Variants in SDCBP observed in about 807,000 individuals in gnomAD.
The protein encoded by SDCBP is syntenin-1.
A neutral mutation model predicts 30.5 loss-of-function variants in SDCBP; 22 were observed. That is an observed-to-expected ratio of 0.72 (90% confidence interval 0.52 to 1.03). The LOEUF is 1.03. SDCBP is among the 50% of genes least tolerant of loss of function. The pLI, the probability that SDCBP is intolerant of heterozygous loss-of-function variation, is 0.00. For synonymous variants in SDCBP, 103 were observed against 118.7 expected, an observed-to-expected ratio of 0.87 and a Z score of 0.86; for missense variants, 304 against 369.9, an observed-to-expected ratio of 0.82 and a Z score of 1.46.
chr8:58,577,129 C>A (rs927862272), intron 5 of SDCBP, among the ~76,000 whole-genome samples: 3 of 152,240 alleles, frequency 2.0e-5, no homozygotes, highest in Non-Finnish European at 4.4e-5. Context: ...GGCCCCTTGG[C>A]CCCACTGTAG....
chr8:58,580,644 C>G, intron 8 of SDCBP, 36 bp downstream of exon 8: 1 of 1,062,946 alleles, frequency 9.4e-7, no homozygotes, highest in South Asian at 1.3e-5. Flanking sequence ...TGCATATGGT[C>G]ATGTGACTTA....
Position 58,572,308 on chromosome 8 carries a change from TC to T in SDCBP, c.235del (p.Gln79ArgfsTer5). 1 of 1,584,218 alleles carries T rather than the reference TC, an allele frequency of 6.3e-7. No individual in the cohort carries two copies. Among genetic ancestry groups the T allele is most frequent in the Non-Finnish European group, 8.7e-7 (1 of 1,153,420 alleles). ...NVAVVSGAPLQGQLVARPSSI... is the reference protein window; with the variant it reads ...NVAVVSGAPLXGQLVARPSSI... ...TGGCCGTGGTTTCTGGTGCACCACTTCAGGGGGTATGTATAGTGTAATTAAT... is the reference window on the plus strand; with the variant it reads ...TGGCCGTGGTTTCTGGTGCACCACTTAGGGGGTATGTATAGTGTAATTAAT... On this transcript the variant is annotated frameshift_variant, in exon 4 of 9. Coordinates refer to ENST00000260130, the MANE Select transcript of SDCBP (RefSeq NM_005625.4). LOFTEE classifies it high-confidence loss of function.
chr8:58,567,819 T>C (rs1388829583), intron 2 of SDCBP, among the ~76,000 whole-genome samples: 2 of 152,156 alleles, frequency 1.3e-5, no homozygotes, highest in Non-Finnish European at 2.9e-5. Flanking sequence ...TACTGAATAC[T>C]GTAGGCAATT....
At chr8:58,558,738 A>G (rs1181519413) in intron 1 of SDCBP, among the ~76,000 whole-genome samples, 1 of 152,208 alleles carries the variant, frequency 6.6e-6, no homozygotes, top group Non-Finnish European at 1.5e-5. Flanking sequence ...GAAGCCTTCA[A>G]AGTCACCCTC....
intron 6 of SDCBP, among the ~76,000 whole-genome samples, chr8:58,578,599 A>G (rs1805482794): frequency 6.6e-6 from 1 of 152,172 alleles, no homozygotes; most frequent in African/African-American, 2.4e-5. Flanking sequence ...AGTTCTGAAA[A>G]CCGTATCAAG....
At chr8:58,561,623 A>T in intron 1 of SDCBP, 1 of 488,366 alleles carries the variant, frequency 2.0e-6, no homozygotes, top group Non-Finnish European at 3.6e-6. Context: ...TTTTCTTTAA[A>T]AGTAAAAGAG....
chr8:58,576,133 T>A, intron 5 of SDCBP, 72 bp downstream of exon 5: 3 of 1,140,220 alleles, frequency 2.6e-6, no homozygotes, highest in Non-Finnish European at 3.8e-6. Flanking sequence ...TTAAAATAAT[T>A]TGAAATGGAA....
At chr8:58,577,066 G>A (rs1805379492) in intron 5 of SDCBP, among the ~76,000 whole-genome samples, 1 of 152,234 alleles carries the variant, frequency 6.6e-6, no homozygotes, top group African/African-American at 2.4e-5. Context: ...CCTTCCGCCA[G>A]GATTGCTCTT....
intron 1 of SDCBP, among the ~76,000 whole-genome samples, chr8:58,559,125 G>C (rs190861462): frequency 2.6e-5 from 4 of 152,118 alleles, no homozygotes; most frequent in East Asian, 1.9e-4. Context: ...TGAGTTGCTG[G>C]TGTGTGAATT....
At chr8:58,572,756 C>T (rs1805096707) in intron 4 of SDCBP, among the ~76,000 whole-genome samples, 1 of 148,592 alleles carries the variant, frequency 6.7e-6, no homozygotes, top group Non-Finnish European at 1.5e-5. Context: ...GTTAATCATT[C>T]TGAAATACAC....
rs1804633748 is a variant in SDCBP at position 58,565,093 on chromosome 8, G to A, written c.51+9G>A. The stretch of plus-strand genomic sequence containing the variant: ...TAGACAAAGTAATTCAGGTATGATA[G>A]TTTAAATACTTTTGTCAAAACAAAC... On this transcript the variant is annotated intron_variant, in intron 2 of 8. Coordinates refer to ENST00000260130, the MANE Select transcript of SDCBP (RefSeq NM_005625.4). The A allele has an allele frequency of 1.3e-6, 2 of 1,494,362 alleles. No homozygotes were observed. Among genetic ancestry groups the A allele is most frequent in the African/African-American group, 1.4e-5 (1 of 71,288 alleles). 92.6% of individuals were successfully genotyped at this position (1,494,362 alleles called of 1,614,324 possible).
intron 4 of SDCBP, among the ~76,000 whole-genome samples, chr8:58,574,358 A>T (rs984608813): frequency 1.3e-5 from 2 of 152,256 alleles, no homozygotes; most frequent in Non-Finnish European, 2.9e-5. Flanking sequence ...TGCTGTATTT[A>T]CAGAAAATAT....
At chr8:58,557,313 T>A (rs1374928670) in intron 1 of SDCBP, among the ~76,000 whole-genome samples, 1 of 134,928 alleles carries the variant, frequency 7.4e-6, no homozygotes, top group Non-Finnish European at 1.5e-5. Context: ...TTTAATTATA[T>A]ATAAATATAA....
rs868606654 is a variant in SDCBP at position 58,564,872 on chromosome 8, T to C, written c.-15-147T>C. 4.2e-5 allele frequency: 20 copies of C among 477,730 alleles called. No homozygotes were observed. In the South Asian group the frequency reaches 6.4e-4, roughly 15 times the overall value. The allele number at this position is 477,730 out of a possible 1,614,324, so 29.6% of individuals were successfully genotyped here. A position where few individuals can be genotyped will look rare whatever the true frequency, so the allele number is the denominator to read the frequency against. Reference sequence around the variant, plus strand: ...ATCAGCTAACTTTTAGTATGGCCTATATATTCTTATTTTTTAATATGTTTT... The same window carrying C: ...ATCAGCTAACTTTTAGTATGGCCTACATATTCTTATTTTTTAATATGTTTT... On this transcript the variant is annotated intron_variant, in intron 1 of 8. Coordinates refer to ENST00000260130, the MANE Select transcript of SDCBP (RefSeq NM_005625.4).
chr8:58,569,194 C>T (rs1804883015), intron 2 of SDCBP, among the ~76,000 whole-genome samples: 1 of 152,166 alleles, frequency 6.6e-6, no homozygotes, highest in South Asian at 2.1e-4. Context: ...CAGGCATCCA[C>T]CACCATGCCC....
intron 7 of SDCBP, 85 bp downstream of exon 7, chr8:58,579,879 TA>T (rs1260449717): frequency 9.7e-6 from 13 of 1,333,616 alleles, no homozygotes; most frequent in Non-Finnish European, 4.0e-6. Flanking sequence ...GCTGTTTTCA[TA>T]TTGACTTAGG....
At chr8:58,570,381 A>G (rs998146808) in intron 2 of SDCBP, among the ~76,000 whole-genome samples, 1 of 151,638 alleles carries the variant, frequency 6.6e-6, no homozygotes, top group Admixed American at 6.6e-5. Context: ...AAAAGTATTT[A>G]GCATAAACCC....
chr8:58,566,176 T>G (rs1447707479), intron 2 of SDCBP, among the ~76,000 whole-genome samples: 1 of 152,180 alleles, frequency 6.6e-6, no homozygotes, highest in African/African-American at 2.4e-5. Flanking sequence ...TATTTCCACA[T>G]AGTTCATCTA....
At chr8:58,557,625 G>A (rs1287730502) in intron 1 of SDCBP, among the ~76,000 whole-genome samples, 1 of 151,814 alleles carries the variant, frequency 6.6e-6, no homozygotes, top group Non-Finnish European at 1.5e-5. Context: ...TACATTGGGT[G>A]TAGGGGCCTT....
Sources: gnomAD v4.1 joint callset for allele counts (sites outside exome capture counted in the v4.1 genomes callset) on GRCh38, gnomAD v4.1.1 for gene constraint, MANE v1.5 for transcripts, NCBI Gene and HGNC (gene_info 2026-07-23, HGNC 2026-07-21) for gene names.